The following SSX7 variants were observed in gnomAD, a reference collection of about 807,000 sequenced individuals.
SSX7 encodes the protein protein SSX7.
A neutral mutation model predicts 14.7 loss-of-function variants in SSX7; 15 were observed. That is an observed-to-expected ratio of 1.02 (90% CI 0.68 to 1.58). The LOEUF (loss-of-function observed/expected upper bound fraction) is 1.58, where lower values mean the gene tolerates loss of function less well. Ranked by LOEUF, SSX7 falls within the 40% of genes most tolerant of loss-of-function variation. The pLI, the probability that SSX7 is intolerant of heterozygous loss-of-function variation, is 0.00. For synonymous variants in SSX7, 46 were observed against 50.6 expected, an observed-to-expected ratio of 0.91 and a Z score of 0.38; for missense variants, 178 against 146.8, an observed-to-expected ratio of 1.21 and a Z score of -1.10.
chrX:52,653,487 T>C lies in SSX7; in HGVS notation c.-15A>G, dbSNP rs782276245. 16 of 1,211,276 alleles carry C rather than the reference T, an allele frequency of 1.3e-5. No homozygotes were observed. The Admixed American group carries it at 3.5e-4, about 26-fold the overall frequency. ...TCTCCGTTCATGGCACCAGGAGCAG[T>C]CTGACCTGCAAGAGAAATAGCCTGA... On this transcript the variant is annotated 5_prime_UTR_variant, in exon 2 of 8. Coordinates refer to ENST00000298181, the MANE Select transcript of SSX7 (RefSeq NM_173358.2).
Position 52,645,536 on chromosome X carries a change from T to C in SSX7, c.474A>G (p.Lys158=). Residue 158 remains lysine, a synonymous_variant, in exon 7 of 8, where the codon AAA becomes AAG. Coordinates refer to ENST00000298181, the MANE Select transcript of SSX7 (RefSeq NM_173358.2). ...SEKINKTSGP[K]RGKHAWTHRL... is the part of the protein sequence containing the mutation. ...TGTGGGTCCAGGCATGTTTCCCCCT[T>C]TTGGGTCCTGTGATGGAGAATAGTT... is the stretch of plus-strand genomic sequence containing the variant. The C allele has an allele frequency of 8.3e-7, 1 of 1,197,757 alleles. No individual in the cohort carries two copies. Among genetic ancestry groups the C allele is most frequent in the Non-Finnish European group, 1.1e-6 (1 of 887,442 alleles).
Position 52,650,364 on chromosome X carries a change from T to C in SSX7, c.319A>G (p.Ile107Val). ...TGAGAGACACTCACCTTCGGGAAGA[T>C]TCTCTGGAGCCTGCAAAAAGTCATC... is the stretch of plus-strand genomic sequence containing the variant. Reference protein sequence around the residue: ...PQMTFCRLQRIFPKIMPKKPA... With the variant: ...PQMTFCRLQRVFPKIMPKKPA... The change falls in exon 5 of 8, where the codon ATC becomes GTC. Residue 107 changes from isoleucine (I) to valine (V), a missense_variant. Physicochemically the swap from Ile to Val is conservative, Grantham distance 29. Coordinates refer to ENST00000298181, the MANE Select transcript of SSX7 (RefSeq NM_173358.2). 1.7e-6 allele frequency: 2 copies of C among 1,210,579 alleles called. No homozygotes were observed. The highest frequency in any genetic ancestry group is 2.2e-5 in the Admixed American group (1 of 46,012).
chrX:52,652,407 C>T (rs1420692416), intron 3 of SSX7, 60 bp from the exon 4 acceptor site: 3 of 884,724 alleles, frequency 3.4e-6, no homozygotes, highest in Non-Finnish European at 5.0e-6. Flanking sequence ...CACGGTGGCT[C>T]ATATCTGTAG....
rs199704889 is a variant in SSX7 at position 52,648,244 on chromosome X, G to C, written c.466+17C>G. 1 of 1,204,744 alleles carries C rather than the reference G, an allele frequency of 8.3e-7. No homozygotes were observed. Among genetic ancestry groups the C allele is most frequent in the African/African-American group, 1.8e-5 (1 of 57,097 alleles). On this transcript the variant is annotated intron_variant, in intron 6 of 7. Coordinates refer to ENST00000298181, the MANE Select transcript of SSX7 (RefSeq NM_173358.2). Reference sequence around the variant, plus strand: ...CACGGAAGCCAGAGGGTTTGTTCCCGAATTCTTTCCTCTTACCGGATGTCT... The same window carrying C: ...CACGGAAGCCAGAGGGTTTGTTCCCCAATTCTTTCCTCTTACCGGATGTCT...
intron 4 of SSX7, 30 bp from the exon 5 acceptor site, chrX:52,650,432 T>C: frequency 8.4e-7 from 1 of 1,196,704 alleles, no homozygotes; most frequent in South Asian, 1.8e-5. Flanking sequence ...AATTTTTCTT[T>C]GTTGGTAAAG....
intron 1 of SSX7, among the ~76,000 whole-genome samples, chrX:52,654,400 C>G (rs1925539897): frequency 1.3e-5 from 1 of 79,039 alleles, no homozygotes; most frequent in African/African-American, 5.0e-5. Context: ...CATGGTCTCT[C>G]TCTGCTGCCC....
intron 6 of SSX7, among the ~76,000 whole-genome samples, chrX:52,645,950 A>G (rs1925233657): frequency 9.0e-6 from 1 of 111,315 alleles, no homozygotes; most frequent in Non-Finnish European, 1.9e-5. Context: ...TTCCGTTATT[A>G]TTATATCTGT....
chrX:52,645,575 T>C (rs1320303634), intron 6 of SSX7, 32 bp from the exon 7 acceptor site: 1 of 1,140,276 alleles, frequency 8.8e-7, no homozygotes, highest in Non-Finnish European at 1.2e-6. Flanking sequence ...AAGTGAGGGT[T>C]GGGTAGGTTG....
intron 6 of SSX7, among the ~76,000 whole-genome samples, chrX:52,647,185 G>T (rs782231021): frequency 1.8e-5 from 2 of 112,044 alleles, no homozygotes; most frequent in Non-Finnish European, 3.8e-5. Flanking sequence ...CAGGAGAAAT[G>T]TGTGAAGCTA....
chrX:52,648,515 G>C (rs1189925175), intron 5 of SSX7, 119 bp from the exon 6 acceptor site: 1 of 1,048,985 alleles, frequency 9.5e-7, no homozygotes, highest in Non-Finnish European at 1.3e-6. Context: ...TGCTGGGAGA[G>C]TTACACATGC....
Position 52,652,288 on chromosome X carries a change from T to C in SSX7, c.244A>G (p.Asn82Asp). The change falls in exon 4 of 8, where the codon AAT (asparagine) becomes GAT (aspartate). Residue 82 changes from asparagine (N) to aspartate (D), a missense_variant. Transcript: ENST00000298181. Reference protein sequence around the residue: ...HNTGATDLQGNDFDNDRNQGN... With the variant: ...HNTGATDLQGDDFDNDRNQGN... Reference sequence around the variant, plus strand: ...TGGTTACGGTCATTATCAAAATCATTCCCCTGGAGGTCTGTGGCCCCTGTA... The same window carrying C: ...TGGTTACGGTCATTATCAAAATCATCCCCCTGGAGGTCTGTGGCCCCTGTA... 1 of 1,209,457 alleles carries C rather than the reference T, an allele frequency of 8.3e-7. No homozygotes were observed. Among genetic ancestry groups the C allele is most frequent in the Non-Finnish European group, 1.1e-6 (1 of 894,341 alleles).
chrX:52,654,364 G>GTTTTGTTTTTTT (rs1556767485), intron 1 of SSX7, among the ~76,000 whole-genome samples: 3 of 60,921 alleles, frequency 4.9e-5, no homozygotes, highest in Non-Finnish European at 8.3e-5. Context: ...ATTTGAGTGA[G>GTTTTGTTTTTTT]TTTTTTTTTT....
intron 6 of SSX7, among the ~76,000 whole-genome samples, chrX:52,646,980 G>A (rs1556766406): frequency 2.7e-5 from 3 of 112,247 alleles, no homozygotes; most frequent in Non-Finnish European, 5.6e-5. Flanking sequence ...GTCCTTGAAG[G>A]AAATAATAAT....
intron 5 of SSX7, among the ~76,000 whole-genome samples, chrX:52,648,800 A>G (rs782307653): frequency 8.9e-6 from 1 of 111,889 alleles, no homozygotes; most frequent in South Asian, 3.9e-4. Flanking sequence ...AAAAACATAG[A>G]GAGGGGACAA....
intron 6 of SSX7, among the ~76,000 whole-genome samples, chrX:52,646,220 C>T (rs1316269464): frequency 2.7e-5 from 3 of 111,155 alleles, no homozygotes; most frequent in African/African-American, 6.5e-5. Context: ...CATGTCACCA[C>T]GCCTGGCTAA....
intron 5 of SSX7, 90 bp downstream of exon 5, chrX:52,650,263 G>A (rs1243880516): frequency 1.8e-6 from 2 of 1,097,771 alleles, no homozygotes; most frequent in Admixed American, 2.3e-5. Flanking sequence ...AGGCAGTGAG[G>A]GCATTTTTTA....
intron 1 of SSX7, 74 bp from the exon 2 acceptor site, chrX:52,653,566 C>A: frequency 1.8e-6 from 2 of 1,131,623 alleles, no homozygotes; most frequent in Non-Finnish European, 2.4e-6. Flanking sequence ...CAGTGAAGGC[C>A]GGCCACCCTC....
At chrX:52,653,287 G>A in intron 2 of SSX7, 117 bp downstream of exon 2, 1 of 1,206,833 alleles carries the variant, frequency 8.3e-7, no homozygotes, top group East Asian at 3.0e-5. Context: ...CAAGGATCCA[G>A]ATCTCCCCCA....
At chrX:52,654,538 T>A (rs1925543741) in intron 1 of SSX7, among the ~76,000 whole-genome samples, 1 of 107,270 alleles carries the variant, frequency 9.3e-6, no homozygotes, top group South Asian at 4.3e-4. Context: ...CGGCCCAAAT[T>A]TGTTAAGTTA....
Sources: gnomAD v4.1 joint callset for allele counts (sites outside exome capture counted in the v4.1 genomes callset) on GRCh38, gnomAD v4.1.1 for gene constraint, MANE v1.5 for transcripts, NCBI Gene and HGNC (gene_info 2026-07-23, HGNC 2026-07-21) for gene names.